The following CD244 variants were observed in gnomAD, a reference collection of about 807,000 sequenced individuals.
The protein encoded by CD244 is natural killer cell receptor 2B4.
Under a neutral mutation model 45.5 loss-of-function variants are expected in CD244, and 20 were observed. That is an observed-to-expected ratio of 0.44 (90% CI 0.31 to 0.64). The LOEUF is 0.64. CD244 is among the 30% of genes least tolerant of loss of function. CD244 has a pLI of 0.08. For synonymous variants in CD244, 185 were observed against 160.5 expected (o/e 1.15, Z -1.15); for missense variants, 407 against 426.9 (o/e 0.95, Z 0.41).
intron 1 of CD244, among the ~76,000 whole-genome samples, chr1:160,844,281 A>G (rs1669649331): frequency 6.6e-6 from 1 of 152,254 alleles, no homozygotes; most frequent in Non-Finnish European, 1.5e-5. Flanking sequence ...ACCAACAAAC[A>G]GGGCATCTAC....
chr1:160,844,197 T>A (rs1669645571), intron 1 of CD244, among the ~76,000 whole-genome samples: 5 of 152,150 alleles, frequency 3.3e-5, no homozygotes. Context: ...GAATGTTTCA[T>A]ACACAATATC....
At chr1:160,839,457 T>C (rs1669456902) in intron 3 of CD244, among the ~76,000 whole-genome samples, 4 of 152,184 alleles carry the variant, frequency 2.6e-5, no homozygotes, top group African/African-American at 9.7e-5. Flanking sequence ...AGTTCCACAA[T>C]GTGGATTCAA....
chr1:160,852,056 T>C (rs76372779), intron 1 of CD244, among the ~76,000 whole-genome samples: 3,134 of 152,162 alleles, frequency 0.021, 115 homozygotes, highest in African/African-American at 0.072. Flanking sequence ...AAGAATTCCA[T>C]CAATAATAGA....
At chr1:160,835,618 G>A (rs1669306172) in intron 6 of CD244, among the ~76,000 whole-genome samples, 1 of 151,824 alleles carries the variant, frequency 6.6e-6, no homozygotes, top group Non-Finnish European at 1.5e-5. Context: ...CTCATAACGG[G>A]TATACCAAAA....
intron 6 of CD244, among the ~76,000 whole-genome samples, chr1:160,835,232 C>G (rs1188414450): frequency 1.3e-5 from 2 of 152,054 alleles, no homozygotes; most frequent in Non-Finnish European, 2.9e-5. Flanking sequence ...GGATGCTTCT[C>G]CAGTTTATGA....
At chr1:160,838,859 C>G (rs111842238) in intron 4 of CD244, 80 bp downstream of exon 4, 2 of 912,802 alleles carry the variant, frequency 2.2e-6, no homozygotes, top group Non-Finnish European at 3.4e-6. Flanking sequence ...TGCTCCCAGA[C>G]ACATCCCACT....
At position 160,862,642 on chromosome 1, in the gene CD244, CAGG is replaced by C. The variant is rs1382100362; in HGVS notation, c.33_35del (p.Leu14del). 2 of 1,613,960 alleles carry C rather than the reference CAGG, an allele frequency of 1.2e-6. No individual in the cohort carries two copies. Among genetic ancestry groups the C allele is most frequent in the Admixed American group, 1.7e-5 (1 of 60,006 alleles). On this transcript the variant is annotated inframe_deletion, in exon 1 of 9. Transcript: ENST00000368034. ...CTTTGCCCTGATACACCTTGAGGAG[CAGG>C]AGGAGTATGAGGGTGACCACTTGCC...
intron 1 of CD244, among the ~76,000 whole-genome samples, chr1:160,856,858 G>A (rs556287175): frequency 6.6e-6 from 1 of 151,682 alleles, no homozygotes; most frequent in African/African-American, 2.4e-5. Flanking sequence ...TACAGTAAAG[G>A]AAACAATTCA....
chr1:160,851,770 T>G (rs1669928028), intron 1 of CD244, among the ~76,000 whole-genome samples: 1 of 152,224 alleles, frequency 6.6e-6, no homozygotes, highest in South Asian at 2.1e-4. Flanking sequence ...CTTGAACTCC[T>G]GGGCTCAAGT....
At chr1:160,835,243 G>A (rs935259543) in intron 6 of CD244, among the ~76,000 whole-genome samples, 2 of 152,124 alleles carry the variant, frequency 1.3e-5, no homozygotes, top group African/African-American at 4.8e-5. Context: ...CAGTTTATGA[G>A]TGAATTTCTG....
At chr1:160,840,131 CTT>C (rs35151948) in intron 3 of CD244, among the ~76,000 whole-genome samples, 34 of 138,650 alleles carry the variant, frequency 2.5e-4, no homozygotes, top group Admixed American at 4.4e-4. Flanking sequence ...CACAGAGCTT[CTT>C]TTTTTTTTTT....
chr1:160,861,954 G>A (rs1405196842), intron 1 of CD244, among the ~76,000 whole-genome samples: 1 of 152,252 alleles, frequency 6.6e-6, no homozygotes, highest in African/African-American at 2.4e-5. Flanking sequence ...AAAGAGGGGA[G>A]CAGCCCTCAG....
At chr1:160,836,112 C>G (rs1669321082) in intron 6 of CD244, 83 bp downstream of exon 6, 3 of 986,990 alleles carry the variant, frequency 3.0e-6, no homozygotes, top group Non-Finnish European at 4.9e-6. Context: ...TCTTATTCTG[C>G]CATTCAATGG....
intron 1 of CD244, among the ~76,000 whole-genome samples, chr1:160,844,900 G>A (rs983581091): frequency 3.9e-5 from 6 of 152,172 alleles, no homozygotes; most frequent in South Asian, 4.1e-4. Flanking sequence ...GCTTGAACCC[G>A]GGAGATGGAG....
intron 1 of CD244, among the ~76,000 whole-genome samples, chr1:160,858,428 C>A (rs760840491): frequency 6.6e-6 from 1 of 152,158 alleles, no homozygotes; most frequent in African/African-American, 2.4e-5. Flanking sequence ...CAGATCTCAA[C>A]TCAGGCTGTA....
At chr1:160,845,337 T>C (rs539285624) in intron 1 of CD244, among the ~76,000 whole-genome samples, 166 of 151,114 alleles carry the variant, frequency 1.1e-3, no homozygotes, top group Middle Eastern at 3.2e-3. Flanking sequence ...CAGAGTGAAG[T>C]AAAGAAAAAC....
At chr1:160,861,992 T>C (rs1670327705) in intron 1 of CD244, among the ~76,000 whole-genome samples, 1 of 152,246 alleles carries the variant, frequency 6.6e-6, no homozygotes, top group African/African-American at 2.4e-5. Flanking sequence ...AAATGTTAGA[T>C]GGCTCCATGC....
chr1:160,834,075 A>C lies in CD244; in HGVS notation c.936T>G (p.Tyr312Ter). 1 of 1,612,188 alleles carries C rather than the reference A, an allele frequency of 6.2e-7. No individual in the cohort carries two copies. Among genetic ancestry groups the C allele is most frequent in the Non-Finnish European group, 8.5e-7 (1 of 1,178,210 alleles). The part of the protein sequence containing the change: ...PTSQEPAYTL[Y>*]SLIQPSRKSG... ...CCTTCCTGGAAGGCTGAATTAATGA[A>C]TATAATGTATATGCAGGTTCTTGTG... Residue 312 changes from tyrosine to a stop codon, truncating the protein, a stop_gained, in exon 7 of 9, where the codon TAT becomes TAG. Coordinates refer to ENST00000368034, the MANE Select transcript of CD244 (RefSeq NM_016382.4). LOFTEE classifies it high-confidence loss of function.
intron 1 of CD244, chr1:160,848,166 C>T (rs1251587844): frequency 1.0e-5 from 5 of 495,740 alleles, no homozygotes; most frequent in African/African-American, 2.0e-5. Context: ...AGCTCCTGCT[C>T]TCACAGGATT....
Sources: gnomAD v4.1 joint callset for allele counts (sites outside exome capture counted in the v4.1 genomes callset) on GRCh38, gnomAD v4.1.1 for gene constraint, MANE v1.5 for transcripts, NCBI Gene and HGNC (gene_info 2026-07-23, HGNC 2026-07-21) for gene names.